PRSS38: variants seen among roughly 807,000 people sequenced by gnomAD.
PRSS38 encodes the protein serine protease 38.
PRSS38 carries 22 observed loss-of-function variants against 26.8 expected under a neutral mutation model. That is an observed-to-expected ratio of 0.82 (90% CI 0.59 to 1.17). The LOEUF (loss-of-function observed/expected upper bound fraction) is 1.17. PRSS38 is among the 50% of genes most tolerant of loss of function. The pLI is 0.00. For missense variants in PRSS38, 427 were observed against 422.7 expected, an observed-to-expected ratio of 1.01 and a Z score of -0.09; for synonymous variants, 175 against 172.1, an observed-to-expected ratio of 1.02 and a Z score of -0.13.
At chr1:227,824,021 G>A (rs1665036414) in intron 3 of PRSS38, among the ~76,000 whole-genome samples, 1 of 152,118 alleles carries the variant, frequency 6.6e-6, no homozygotes, top group Non-Finnish European at 1.5e-5. Flanking sequence ...TTCTTTGAGA[G>A]ATCTCTATAT....
intron 3 of PRSS38, among the ~76,000 whole-genome samples, chr1:227,831,560 T>G (rs1236223304): frequency 6.6e-6 from 1 of 152,162 alleles, no homozygotes; most frequent in Non-Finnish European, 1.5e-5. Context: ...TCTATATCCT[T>G]ATTGGTTTTC....
Position 227,819,328 on chromosome 1 carries a change from T to G in PRSS38, c.583+1848T>G, listed in dbSNP as rs146425912. 2.3e-3 allele frequency among the ~76,000 whole-genome samples: 354 copies of G among 152,346 alleles called. 3 individuals carry two copies. The highest frequency in any genetic ancestry group is 8.2e-3 in the African/African-American group (343 of 41,584). On this transcript the variant is annotated intron_variant, in intron 3 of 4. Transcript: ENST00000366757. ...TTTTTTGAGCTGAAAATACAAAAGA[T>G]TCAACATTTCATACTTTTTCTATGA...
intron 3 of PRSS38, among the ~76,000 whole-genome samples, chr1:227,841,456 C>A (rs929578556): frequency 6.6e-6 from 1 of 152,214 alleles, no homozygotes; most frequent in Non-Finnish European, 1.5e-5. Flanking sequence ...GTGGGAAAGG[C>A]GGGGAAGGGG....
At position 227,844,052 on chromosome 1, in the gene PRSS38, G is replaced by A. The variant is rs554095191; in HGVS notation, c.584-1418G>A. On this transcript the variant is annotated intron_variant, in intron 3 of 4. Coordinates refer to ENST00000366757, the Ensembl canonical transcript of PRSS38. ...CCTCTGTGTTACTTTCAACTCCCCA[G>A]ACTGTTCTGTCCTGATTTGACTCTT... Among the ~76,000 whole-genome samples the A allele has an allele frequency of 2.2e-4, 33 of 152,286 alleles. No individual in the cohort carries two copies. The South Asian group carries it at 6.4e-3, about 30-fold the overall frequency.
At chr1:227,846,413 C>A in exon 5 of PRSS38, 1 of 629,116 alleles carries the variant, frequency 1.6e-6, no homozygotes, top group Non-Finnish European at 2.7e-6. Context: ...CAGGGAGAAC[C>A]CAGCTTGGGC....
At chr1:227,845,818 G>GA in intron 4 of PRSS38, 136 bp from the exon 5 acceptor site, 1 of 1,323,786 alleles carries the variant, frequency 7.6e-7, no homozygotes, top group Non-Finnish European at 1.0e-6. Context: ...AGCCAGTAGG[G>GA]AGGCTGGGTG....
chr1:227,817,821 A>G (rs866266613), intron 3 of PRSS38, among the ~76,000 whole-genome samples: 11 of 152,204 alleles, frequency 7.2e-5, no homozygotes, highest in South Asian at 2.1e-4. Flanking sequence ...TTTTCTCCAG[A>G]AAGGCCTGTG....
chr1:227,841,212 T>TG (rs558973330), intron 3 of PRSS38, among the ~76,000 whole-genome samples: 1 of 152,230 alleles, frequency 6.6e-6, no homozygotes, highest in African/African-American at 2.4e-5. Flanking sequence ...TAGCCTGAGC[T>TG]GGGGGGCTGG....
chr1:227,820,116 A>C (rs1445751708), intron 3 of PRSS38, among the ~76,000 whole-genome samples: 5 of 148,856 alleles, frequency 3.4e-5, no homozygotes, highest in African/African-American at 4.9e-5. Flanking sequence ...AAAAAAAAGC[A>C]ACACAACTGA....
At chr1:227,821,720 C>A (rs1202683065) in intron 3 of PRSS38, among the ~76,000 whole-genome samples, 2 of 152,118 alleles carry the variant, frequency 1.3e-5, no homozygotes, top group Non-Finnish European at 2.9e-5. Flanking sequence ...GATTGAGGAT[C>A]CTTGTACATG....
At chr1:227,824,353 G>A (rs1186832928) in intron 3 of PRSS38, among the ~76,000 whole-genome samples, 1 of 152,136 alleles carries the variant, frequency 6.6e-6, no homozygotes, top group East Asian at 1.9e-4. Context: ...TTAGTTTGCT[G>A]AGGATAATGG....
intron 3 of PRSS38, among the ~76,000 whole-genome samples, chr1:227,843,567 T>TGGC (rs1333396370): frequency 1.3e-5 from 2 of 151,218 alleles, no homozygotes; most frequent in African/African-American, 4.9e-5. Flanking sequence ...CCAGGTGTGG[T>TGGC]GGCGCATGCC....
intron 3 of PRSS38, among the ~76,000 whole-genome samples, chr1:227,823,843 G>T (rs769583410): frequency 4.6e-5 from 7 of 152,110 alleles, no homozygotes; most frequent in Non-Finnish European, 1.0e-4. Flanking sequence ...CCCAGCCTCA[G>T]TTATCCTTTA....
chr1:227,843,802 C>T (rs1462256827), intron 3 of PRSS38, among the ~76,000 whole-genome samples: 2 of 152,030 alleles, frequency 1.3e-5, no homozygotes, highest in South Asian at 2.1e-4. Flanking sequence ...GGTGGATCAC[C>T]TGAGGTCAGG....
chr1:227,835,040 C>T (rs1365480837), intron 3 of PRSS38, among the ~76,000 whole-genome samples: 2 of 152,162 alleles, frequency 1.3e-5, no homozygotes. Flanking sequence ...ACTGACATTT[C>T]TCCAAAGATA....
Position 227,845,526 on chromosome 1 carries a change from T to G in PRSS38, c.640T>G (p.Cys214Gly). ...GCTCCCGCTGATCCTGGAGCCCTGG[T>G]GCCACCTGCTCTACGGACACATGTC... The change falls in exon 4 of 5, where the codon TGC (cysteine) becomes GGC (glycine). Residue 214 changes from cysteine to glycine, a missense_variant. By Grantham distance (159) the Cys-to-Gly change is radical (BLOSUM62 -3). Coordinates refer to ENST00000366757, the Ensembl canonical transcript of PRSS38. The G allele has an allele frequency of 1.9e-6, 3 of 1,613,540 alleles. No individual in the cohort carries two copies. The South Asian group carries it at 3.3e-5, about 18-fold the overall frequency.
At chr1:227,818,543 C>T (rs574727186) in intron 3 of PRSS38, among the ~76,000 whole-genome samples, 49 of 152,072 alleles carry the variant, frequency 3.2e-4, no homozygotes, top group Admixed American at 7.2e-4. Flanking sequence ...CTGGGCTTGA[C>T]GGCATGTGCC....
At chr1:227,820,692 A>G (rs1664990811) in intron 3 of PRSS38, among the ~76,000 whole-genome samples, 1 of 152,228 alleles carries the variant, frequency 6.6e-6, no homozygotes. Flanking sequence ...ATATTTTCTT[A>G]TGGTGTCTTT....
At chr1:227,817,248 C>G in exon 3 of PRSS38, 1 of 1,614,150 alleles carries the variant, frequency 6.2e-7, no homozygotes, top group Non-Finnish European at 8.5e-7. Context: ...ACGTAGGCCT[C>G]GTAAACCTCA....
Sources: allele counts gnomAD v4.1 joint callset (sites outside exome capture counted in the v4.1 genomes callset), GRCh38; gene constraint gnomAD v4.1.1; transcripts MANE v1.5; gene names NCBI Gene and HGNC (gene_info 2026-07-23, HGNC 2026-07-21).